Variants in CACNG4 observed in about 807,000 individuals in gnomAD.
The protein encoded by CACNG4 is voltage-dependent calcium channel gamma-4 subunit.
CACNG4 carries 8 observed loss-of-function variants against 22.9 expected under a neutral mutation model. The observed-to-expected ratio is 0.35, with a 90% CI of 0.21 to 0.63. The LOEUF is 0.63. Among genes scored for constraint, CACNG4 ranks in the 30% least tolerant of loss-of-function variants. CACNG4 has a pLI of 0.72. For synonymous variants in CACNG4, 188 were observed against 191.9 expected (o/e 0.98, Z 0.17); for missense variants, 357 against 455.4 (o/e 0.78, Z 1.97).
intron 1 of CACNG4, among the ~76,000 whole-genome samples, chr17:67,001,084 C>G (rs183388607): frequency 6.6e-6 from 1 of 151,912 alleles, no homozygotes; most frequent in Admixed American, 6.6e-5. Context: ...GTTCTGGTCT[C>G]GTGGTAGTGA....
At chr17:66,967,324 C>T (rs1450435403) in intron 1 of CACNG4, among the ~76,000 whole-genome samples, 1 of 152,090 alleles carries the variant, frequency 6.6e-6, no homozygotes, top group East Asian at 1.9e-4. Context: ...CTCAGTGGTT[C>T]TGAGGGCCAG....
intron 1 of CACNG4, among the ~76,000 whole-genome samples, chr17:67,014,103 G>C (rs1027693760): frequency 5.3e-5 from 8 of 152,124 alleles, no homozygotes; most frequent in Admixed American, 2.6e-4. Flanking sequence ...AGTGTCTCTG[G>C]GAGCACAGCC....
In CACNG4 at chr17:66,970,035, G is replaced by A. The variant is rs987598953; in HGVS notation, c.220+4904G>A. On this transcript the variant is annotated intron_variant, in intron 1 of 3. Coordinates refer to ENST00000262138, the MANE Select transcript of CACNG4 (RefSeq NM_014405.4). ...CACCCTGGACCCCCTTCGCCCTTGG[G>A]TGCTAATTATCACAGCCATCACTAT... is the stretch of plus-strand genomic sequence containing the variant. 2.0e-4 allele frequency among the ~76,000 whole-genome samples: 30 copies of A among 152,174 alleles called. 2 individuals are homozygous for A. Among genetic ancestry groups the A allele is most frequent in the Admixed American group, 1.6e-3 (24 of 15,268 alleles).
At chr17:66,966,826 C>A (rs1029150122) in intron 1 of CACNG4, among the ~76,000 whole-genome samples, 1 of 152,214 alleles carries the variant, frequency 6.6e-6, no homozygotes, top group African/African-American at 2.4e-5. Context: ...CTCCTCTTTT[C>A]TTTTGAAAAA....
intron 1 of CACNG4, among the ~76,000 whole-genome samples, chr17:67,017,320 G>A (rs1253986909): frequency 6.6e-6 from 1 of 152,046 alleles, no homozygotes; most frequent in African/African-American, 2.4e-5. Flanking sequence ...TAAGCGATCC[G>A]CCCTCCTCAG....
At chr17:66,972,400 T>A (rs2035210043) in intron 1 of CACNG4, among the ~76,000 whole-genome samples, 1 of 152,130 alleles carries the variant, frequency 6.6e-6, no homozygotes, top group South Asian at 2.1e-4. Context: ...CTGTAGGTGT[T>A]TAGCAGCATA....
chr17:66,981,703 C>G (rs907845192), intron 1 of CACNG4, among the ~76,000 whole-genome samples: 6 of 152,148 alleles, frequency 3.9e-5, no homozygotes, highest in African/African-American at 7.2e-5. Context: ...CATTCAACAC[C>G]CTCCTGCTGG....
chr17:67,009,873 A>G (rs913673721), intron 1 of CACNG4, among the ~76,000 whole-genome samples: 1 of 152,080 alleles, frequency 6.6e-6, no homozygotes, highest in Non-Finnish European at 1.5e-5. Context: ...AGTTCAGCAT[A>G]TGAATTTGGG....
chr17:67,007,046 G>A (rs1381164697), intron 1 of CACNG4, among the ~76,000 whole-genome samples: 2 of 152,124 alleles, frequency 1.3e-5, no homozygotes, highest in African/African-American at 4.8e-5. Context: ...ATGGTGGCCG[G>A]TGCCTATAGT....
At chr17:66,996,672 T>C (rs943965325) in intron 1 of CACNG4, among the ~76,000 whole-genome samples, 5 of 152,108 alleles carry the variant, frequency 3.3e-5, no homozygotes, top group Non-Finnish European at 7.4e-5. Flanking sequence ...TGAGCCAGCG[T>C]GCCCAGCCCA....
At chr17:66,992,999 C>T (rs957488936) in intron 1 of CACNG4, among the ~76,000 whole-genome samples, 4 of 152,252 alleles carry the variant, frequency 2.6e-5, no homozygotes, top group Non-Finnish European at 5.9e-5. Flanking sequence ...GCCCACCTTG[C>T]ACCTAGCGTG....
At chr17:67,004,848 C>A (rs1298146655) in intron 1 of CACNG4, among the ~76,000 whole-genome samples, 2 of 152,188 alleles carry the variant, frequency 1.3e-5, no homozygotes, top group African/African-American at 4.8e-5. Context: ...CTCAACCTCC[C>A]ACATAGCTGG....
chr17:67,019,273 T>C (rs552680652), intron 2 of CACNG4, among the ~76,000 whole-genome samples: 2 of 152,248 alleles, frequency 1.3e-5, no homozygotes, highest in African/African-American at 4.8e-5. Context: ...CCATAGAGCC[T>C]GGGGCAGTGT....
rs1313086207 is a variant in CACNG4 at position 67,030,537 on chromosome 17, G to A, written c.517G>A (p.Glu173Lys). The change falls in exon 4 of 4, where the codon GAA (glutamate) becomes AAA (lysine). Residue 173 changes from glutamate (E) to lysine (K), a missense_variant. By Grantham distance (56) the Glu-to-Lys change is moderately conservative. Transcript: ENST00000262138. The surrounding 1 kb of genome is among the most constrained non-coding windows in gnomAD (Gnocchi z 6.4). Reference sequence around the variant, plus strand: ...AGGTGACCCGAGTGACAAGCGGGACGAAGACAAAAAGAACCATTACAACTA... The same window carrying A: ...AGGTGACCCGAGTGACAAGCGGGACAAAGACAAAAAGAACCATTACAACTA... Reference protein sequence around the residue: ...NTGDPSDKRDEDKKNHYNYGW... With the variant: ...NTGDPSDKRDKDKKNHYNYGW... 3.1e-6 allele frequency: 5 copies of A among 1,614,186 alleles called. No individual in the cohort carries two copies. The highest frequency in any genetic ancestry group is 3.3e-5 in the Admixed American group (2 of 60,028).
At chr17:67,012,319 C>T (rs982332328) in intron 1 of CACNG4, among the ~76,000 whole-genome samples, 4 of 152,318 alleles carry the variant, frequency 2.6e-5, no homozygotes, top group Admixed American at 1.3e-4. Flanking sequence ...CCTCTTTCTC[C>T]ATCTTCAAAG....
intron 1 of CACNG4, among the ~76,000 whole-genome samples, chr17:66,969,602 C>T (rs2035191816): frequency 6.6e-6 from 1 of 152,188 alleles, no homozygotes; most frequent in Non-Finnish European, 1.5e-5. Context: ...CACCATGGCA[C>T]ACTGAGGAAG....
At chr17:66,971,006 G>T (rs899983599) in intron 1 of CACNG4, among the ~76,000 whole-genome samples, 3 of 152,216 alleles carry the variant, frequency 2.0e-5, no homozygotes, top group Non-Finnish European at 4.4e-5. Context: ...CAGGTCACCA[G>T]ACCCTGAGTG....
intron 1 of CACNG4, among the ~76,000 whole-genome samples, chr17:66,980,904 C>G (rs1216000146): frequency 3.3e-5 from 5 of 152,136 alleles, no homozygotes; most frequent in African/African-American, 7.2e-5. Context: ...CAGGCGTGAG[C>G]CACCGCACCC....
intron 1 of CACNG4, among the ~76,000 whole-genome samples, chr17:66,985,630 C>T (rs924621246): frequency 2.0e-5 from 3 of 152,200 alleles, no homozygotes; most frequent in African/African-American, 7.2e-5. Flanking sequence ...GTCTTCCTTC[C>T]TGAATGCACA....
Sources: allele counts gnomAD v4.1 joint callset (sites outside exome capture counted in the v4.1 genomes callset), GRCh38; gene constraint gnomAD v4.1.1; non-coding constraint Gnocchi (gnomAD v3.1); transcripts MANE v1.5; gene names NCBI Gene and HGNC (gene_info 2026-07-23, HGNC 2026-07-21).